BCAS3: variants seen among roughly 807,000 people sequenced by gnomAD.
BCAS3 encodes BCAS3 microtubule associated cell migration factor, also known as BCAS4/BCAS3 fusion.
Under a neutral mutation model 116.1 loss-of-function variants are expected in BCAS3, and 53 were observed. The ratio of observed to expected loss-of-function variants is 0.46; its 90% confidence interval spans 0.37 to 0.57. The LOEUF is 0.57. BCAS3 is among the 20% of genes least tolerant of loss of function. The probability of loss-of-function intolerance (pLI) is 0.00; values close to 1 mark genes in which losing one functional copy is unlikely to be tolerated. For synonymous variants in BCAS3, 391 were observed against 408.2 expected (o/e 0.96, Z 0.51); for missense variants, 917 against 1,165.4 (o/e 0.79, Z 3.10).
intron 6 of BCAS3, among the ~76,000 whole-genome samples, chr17:60,775,017 G>C (rs2045133900): frequency 1.3e-5 from 2 of 152,182 alleles, no homozygotes; most frequent in Non-Finnish European, 2.9e-5. Context: ...GAGTGCTTAG[G>C]ATAGCGCTTG....
rs980830871 is a variant in BCAS3, at chr17:61,377,570, C to G, written c.2593+9076C>G. 6.6e-6 allele frequency among the ~76,000 whole-genome samples: 1 copy of G among 152,196 alleles called. No homozygotes were observed. Among genetic ancestry groups the G allele is most frequent in the East Asian group, 1.9e-4 (1 of 5,192 alleles). On this transcript the variant is annotated intron_variant, in intron 23 of 23. Transcript: ENST00000407086. The surrounding 1 kb of genome is among the most constrained non-coding windows in gnomAD (Gnocchi z 4.6). The stretch of plus-strand genomic sequence containing the variant: ...TAAACCTGTGACCCTGGGCAAGTGC[C>G]TTTCCCTCTCTGGGCCAGTTTCTTC...
At chr17:61,053,444 A>G (rs1020865260) in intron 19 of BCAS3, among the ~76,000 whole-genome samples, 3 of 152,238 alleles carry the variant, frequency 2.0e-5, no homozygotes, top group South Asian at 2.1e-4. Flanking sequence ...CCTGCTGCCT[A>G]TAAAAAGGAC....
rs147266725 is a variant in BCAS3 at position 61,207,940 on chromosome 17, G to A, written c.2425+123376G>A. On this transcript the variant is annotated intron_variant, in intron 22 of 23. Coordinates refer to ENST00000407086, the MANE Select transcript of BCAS3 (RefSeq NM_017679.5). ...ATTAGTAACATGGCTAAAAACATTGGCTTTGCAAAATTCTCAGTCAGATTC... is the reference window on the plus strand; with the variant it reads ...ATTAGTAACATGGCTAAAAACATTGACTTTGCAAAATTCTCAGTCAGATTC... Among the ~76,000 whole-genome samples, 1,211 of 152,190 alleles carry A rather than the reference G, an allele frequency of 8.0e-3. 15 individuals carry two copies. Among genetic ancestry groups the A allele is most frequent in the African/African-American group, 0.028 (1,145 of 41,524 alleles).
At chr17:60,696,830 G>C (rs1041673645) in intron 4 of BCAS3, among the ~76,000 whole-genome samples, 7 of 152,042 alleles carry the variant, frequency 4.6e-5, no homozygotes, top group Admixed American at 6.6e-5. Flanking sequence ...TTTGCAAAGG[G>C]GACCCTCTAG....
chr17:60,815,734 A>T (rs932941226), intron 7 of BCAS3, among the ~76,000 whole-genome samples: 2 of 152,246 alleles, frequency 1.3e-5, no homozygotes, highest in Non-Finnish European at 2.9e-5. Flanking sequence ...GACAGCAAAT[A>T]GAATAGTGAC....
rs543127864 is a variant in BCAS3, at chr17:61,122,586, G to A, written c.2425+38022G>A. ...GTACTCAGGAATGTGATGTGGATTC[G>A]AGATGATCTCCACAGGATTTTGGCA... On this transcript the variant is annotated intron_variant, in intron 22 of 23. Coordinates refer to ENST00000407086, the MANE Select transcript of BCAS3 (RefSeq NM_017679.5). This position sits in a 1 kb window ranked among gnomAD's most constrained non-coding sequence, Gnocchi z 4.6. Among the ~76,000 whole-genome samples, 15 of 152,294 alleles carry A rather than the reference G, an allele frequency of 9.8e-5. No homozygotes were observed. The highest frequency in any genetic ancestry group is 3.4e-3 in the Middle Eastern group (1 of 294).
At chr17:61,049,730 CTT>C (rs1027378849) in intron 19 of BCAS3, among the ~76,000 whole-genome samples, 17 of 120,810 alleles carry the variant, frequency 1.4e-4, no homozygotes, top group Middle Eastern at 4.3e-3. Flanking sequence ...CTTTTCTTTT[CTT>C]TTTTTTTTTT....
rs1264630451 is a variant in BCAS3, at chr17:61,029,795, G to C, written c.1638-4871G>C. On this transcript the variant is annotated intron_variant, in intron 16 of 23. Transcript: ENST00000407086. The surrounding 1 kb of genome is among the most constrained non-coding windows in gnomAD (Gnocchi z 5.2). Reference sequence around the variant, plus strand: ...AAGTTTTAATTAGTGTTTTCTAAGAGTTTTGATCAAGCTATAAACAGTTCA... The same window carrying C: ...AAGTTTTAATTAGTGTTTTCTAAGACTTTTGATCAAGCTATAAACAGTTCA... Among the ~76,000 whole-genome samples, 1 of 151,880 alleles carries C rather than the reference G, an allele frequency of 6.6e-6. No individual in the cohort carries two copies. Among genetic ancestry groups the C allele is most frequent in the African/African-American group, 2.4e-5 (1 of 41,388 alleles).
chr17:60,713,104 TGA>T (rs1029127668), intron 5 of BCAS3, among the ~76,000 whole-genome samples: 30 of 152,254 alleles, frequency 2.0e-4, no homozygotes, highest in African/African-American at 7.2e-4. Context: ...AAAGGGAACT[TGA>T]GAGAGTCCCT....
At chr17:60,826,252 C>T (rs999701606) in intron 7 of BCAS3, among the ~76,000 whole-genome samples, 16 of 152,090 alleles carry the variant, frequency 1.1e-4, no homozygotes, top group Admixed American at 3.3e-4. Context: ...GGTGTAATCT[C>T]GTCTTACTGC....
chr17:60,727,446 TA>T, intron 5 of BCAS3: 1 of 1,576,622 alleles, frequency 6.3e-7, no homozygotes, highest in Non-Finnish European at 8.6e-7. Flanking sequence ...CCACACTTCT[TA>T]CAGAAGGTTC....
chr17:61,305,453 T>G (rs1016263729), intron 22 of BCAS3, among the ~76,000 whole-genome samples: 3 of 152,228 alleles, frequency 2.0e-5, no homozygotes, highest in African/African-American at 7.2e-5. Flanking sequence ...TGTTTGCCTC[T>G]TCACTGTGTG....
intron 14 of BCAS3, among the ~76,000 whole-genome samples, chr17:60,950,244 A>G (rs2060759840): frequency 6.6e-6 from 1 of 152,192 alleles, no homozygotes; most frequent in African/African-American, 2.4e-5. Flanking sequence ...ATGATCTAGC[A>G]GTAGGGGAGG....
At chr17:61,015,432 G>A (rs2065387521) in intron 15 of BCAS3, among the ~76,000 whole-genome samples, 1 of 152,044 alleles carries the variant, frequency 6.6e-6, no homozygotes, top group Non-Finnish European at 1.5e-5. Flanking sequence ...AGGATGACAA[G>A]CGTGTACCAC....
At chr17:60,977,178 G>A (rs948038364) in intron 14 of BCAS3, among the ~76,000 whole-genome samples, 3 of 152,084 alleles carry the variant, frequency 2.0e-5, no homozygotes, top group African/African-American at 4.8e-5. Context: ...TATTTTTTAA[G>A]CTTTTATTTT....
At chr17:60,954,974 C>A (rs577080173) in intron 14 of BCAS3, among the ~76,000 whole-genome samples, 1 of 152,168 alleles carries the variant, frequency 6.6e-6, no homozygotes, top group African/African-American at 2.4e-5. Context: ...CTTATTTCTT[C>A]TCTTCCTTAT....
At chr17:61,039,736 T>A (rs993252233) in intron 18 of BCAS3, among the ~76,000 whole-genome samples, 3 of 152,184 alleles carry the variant, frequency 2.0e-5, no homozygotes, top group Admixed American at 6.5e-5. Flanking sequence ...CATATTTTTT[T>A]AATTGTCTTC....
chr17:60,905,684 C>T (rs143965341), intron 11 of BCAS3, among the ~76,000 whole-genome samples: 106 of 152,160 alleles, frequency 7.0e-4, no homozygotes, highest in African/African-American at 2.2e-3. Flanking sequence ...AAATTGAAGA[C>T]GCGGACACAC....
At chr17:61,112,765 C>T (rs993139887) in intron 22 of BCAS3, among the ~76,000 whole-genome samples, 11 of 151,726 alleles carry the variant, frequency 7.2e-5, no homozygotes, top group Non-Finnish European at 1.2e-4. Flanking sequence ...ACTCTCCACC[C>T]GAAATCAACA....
Sources: allele counts gnomAD v4.1 joint callset (sites outside exome capture counted in the v4.1 genomes callset), GRCh38; gene constraint gnomAD v4.1.1; non-coding constraint Gnocchi (gnomAD v3.1); transcripts MANE v1.5; gene names NCBI Gene and HGNC (gene_info 2026-07-23, HGNC 2026-07-21).